UBE2E2: variants seen among roughly 807,000 people sequenced by gnomAD.
The protein encoded by UBE2E2 is ubiquitin conjugating enzyme E2 E2.
UBE2E2 carries 6 observed loss-of-function variants against 24.7 expected under a neutral mutation model. That is an observed-to-expected ratio of 0.24 (90% confidence interval 0.13 to 0.48). The LOEUF is 0.48. Ranked by LOEUF, UBE2E2 falls within the 20% of genes least tolerant of loss-of-function variation. The pLI is 0.99. For synonymous variants in UBE2E2, 104 were observed against 83.6 expected, an observed-to-expected ratio of 1.24 and a Z score of -1.33; for missense variants, 169 against 245.0, an observed-to-expected ratio of 0.69 and a Z score of 2.07.
chr3:23,453,286 A>G (rs183294285), intron 3 of UBE2E2, among the ~76,000 whole-genome samples: 7 of 152,052 alleles, frequency 4.6e-5, no homozygotes, highest in Admixed American at 2.6e-4. Context: ...ATGAGCAACT[A>G]TTTTTTAATT....
chr3:23,518,516 T>A (rs1189979449), intron 4 of UBE2E2, among the ~76,000 whole-genome samples: 4 of 152,198 alleles, frequency 2.6e-5, no homozygotes, highest in African/African-American at 7.2e-5. Flanking sequence ...GTGAGCTAGT[T>A]TATGTTTACA....
chr3:23,278,483 C>T (rs988471615), intron 3 of UBE2E2, among the ~76,000 whole-genome samples: 1 of 152,038 alleles, frequency 6.6e-6, no homozygotes, highest in African/African-American at 2.4e-5. Flanking sequence ...TCTAGTCTTG[C>T]ATAAGAGTAA....
chr3:23,230,457 A>G (rs907321537), intron 3 of UBE2E2, among the ~76,000 whole-genome samples: 1 of 152,182 alleles, frequency 6.6e-6, no homozygotes, highest in African/African-American at 2.4e-5. Context: ...AATAAGGAAA[A>G]TTGGGAGTTC....
chr3:23,327,650 T>G (rs916688511), intron 3 of UBE2E2, among the ~76,000 whole-genome samples: 1 of 152,246 alleles, frequency 6.6e-6, no homozygotes, highest in Non-Finnish European at 1.5e-5. Flanking sequence ...CTGGAATTGC[T>G]TTTTCTAATT....
At chr3:23,501,026 T>C (rs1271581196) in intron 4 of UBE2E2, among the ~76,000 whole-genome samples, 2 of 152,168 alleles carry the variant, frequency 1.3e-5, no homozygotes, top group Non-Finnish European at 2.9e-5. Flanking sequence ...CTAATACTTA[T>C]CTTCTCCCTT....
At chr3:23,468,995 GAA>G (rs1404413110) in intron 3 of UBE2E2, among the ~76,000 whole-genome samples, 2 of 152,180 alleles carry the variant, frequency 1.3e-5, no homozygotes, top group Non-Finnish European at 2.9e-5. Flanking sequence ...GCCAATCACT[GAA>G]ATCCCCTTGA....
intron 2 of UBE2E2, among the ~76,000 whole-genome samples, chr3:23,212,434 A>C (rs1282716977): frequency 6.6e-6 from 1 of 152,210 alleles, no homozygotes; most frequent in African/African-American, 2.4e-5. Context: ...TAGTCAGTTC[A>C]ATAAAACGTC....
chr3:23,418,982 C>G (rs1264252613), intron 3 of UBE2E2, among the ~76,000 whole-genome samples: 1 of 140,896 alleles, frequency 7.1e-6, no homozygotes, highest in Non-Finnish European at 1.5e-5. Flanking sequence ...GAGTCAGGGT[C>G]TTGCTCTGTT....
intron 3 of UBE2E2, among the ~76,000 whole-genome samples, chr3:23,496,922 C>T (rs947902109): frequency 2.6e-5 from 4 of 152,172 alleles, no homozygotes; most frequent in African/African-American, 9.7e-5. Context: ...TAATACCCTA[C>T]TTTTGACAAG....
At chr3:23,545,825 C>T (rs890960972) in intron 5 of UBE2E2, among the ~76,000 whole-genome samples, 5 of 152,106 alleles carry the variant, frequency 3.3e-5, no homozygotes, top group Non-Finnish European at 7.4e-5. Flanking sequence ...TGGAATACTA[C>T]TCAGCCATAA....
At chr3:23,392,520 GA>G (rs1287903861) in intron 3 of UBE2E2, among the ~76,000 whole-genome samples, 2 of 152,046 alleles carry the variant, frequency 1.3e-5, no homozygotes, top group Non-Finnish European at 2.9e-5. Context: ...AAAACAGGAA[GA>G]AGAAGAGGGA....
At chr3:23,450,660 T>C (rs1462269264) in intron 3 of UBE2E2, among the ~76,000 whole-genome samples, 2 of 152,198 alleles carry the variant, frequency 1.3e-5, no homozygotes, top group African/African-American at 4.8e-5. Context: ...TTTATTTAAT[T>C]TTAAAATTAT....
chr3:23,309,026 A>G (rs1699308244), intron 3 of UBE2E2, among the ~76,000 whole-genome samples: 2 of 152,206 alleles, frequency 1.3e-5, no homozygotes, highest in South Asian at 4.1e-4. Flanking sequence ...AAGCAAACTG[A>G]ATATCCCCCT....
At chr3:23,352,802 G>C (rs1298454404) in intron 3 of UBE2E2, among the ~76,000 whole-genome samples, 1 of 152,084 alleles carries the variant, frequency 6.6e-6, no homozygotes, top group East Asian at 1.9e-4. Context: ...TTCTACCAGA[G>C]GTACAAGGAG....
chr3:23,568,745 A>G (rs868399186), intron 5 of UBE2E2, among the ~76,000 whole-genome samples: 2 of 127,412 alleles, frequency 1.6e-5, no homozygotes, highest in African/African-American at 3.1e-5. Context: ...ATATATATAT[A>G]TATATGTATA....
At chr3:23,498,293 T>A (rs1274350331) in intron 3 of UBE2E2, among the ~76,000 whole-genome samples, 1 of 152,238 alleles carries the variant, frequency 6.6e-6, no homozygotes, top group Admixed American at 6.5e-5. Context: ...ACAGCATTTG[T>A]TTATTTACTG....
intron 3 of UBE2E2, among the ~76,000 whole-genome samples, chr3:23,472,736 C>T (rs1699055175): frequency 6.6e-6 from 1 of 151,516 alleles, no homozygotes. Flanking sequence ...GCAGCCTCAA[C>T]CTCCTGGACT....
intron 4 of UBE2E2, among the ~76,000 whole-genome samples, chr3:23,527,939 A>G (rs1443050152): frequency 6.6e-6 from 1 of 152,042 alleles, no homozygotes; most frequent in African/African-American, 2.4e-5. Context: ...AAACGCATTT[A>G]TGGATTGTGT....
chr3:23,295,726 T>G (rs1477561519), intron 3 of UBE2E2, among the ~76,000 whole-genome samples: 1 of 152,132 alleles, frequency 6.6e-6, no homozygotes. Context: ...TGCACAGCCT[T>G]TGGATTTGTT....
Sources: allele counts gnomAD v4.1 joint callset (sites outside exome capture counted in the v4.1 genomes callset), GRCh38; gene constraint gnomAD v4.1.1; transcripts MANE v1.5; gene names NCBI Gene and HGNC (gene_info 2026-07-23, HGNC 2026-07-21).